SCRG1: variants seen among roughly 807,000 people sequenced by gnomAD.
SCRG1 encodes the protein stimulator of chondrogenesis 1, also known as scrapie-responsive protein 1.
In SCRG1, 3 loss-of-function variants were observed where a neutral mutation model predicts 7.7. The observed-to-expected ratio is 0.39, with a 90% CI of 0.18 to 1.01. The LOEUF (loss-of-function observed/expected upper bound fraction) is 1.01. SCRG1 is among the 50% of genes least tolerant of loss of function. The pLI is 0.36. For synonymous variants in SCRG1, 46 were observed against 41.2 expected, an observed-to-expected ratio of 1.12 and a Z score of -0.44; for missense variants, 110 against 117.2, an observed-to-expected ratio of 0.94 and a Z score of 0.28.
the SCRG1 span, among the ~76,000 whole-genome samples, chr4:173,514,662 T>C: frequency 6.6e-6 from 1 of 152,366 alleles, no homozygotes; most frequent in East Asian, 1.9e-4. Flanking sequence ...ATTAAATGGC[T>C]GCTGGATGCC....
the SCRG1 span, among the ~76,000 whole-genome samples, chr4:173,445,832 A>G: frequency 6.6e-6 from 1 of 151,440 alleles, no homozygotes; most frequent in Non-Finnish European, 1.5e-5. Flanking sequence ...TGCCTGGTTA[A>G]TTTTTGTATT....
At chr4:173,480,320 T>C in the SCRG1 span, among the ~76,000 whole-genome samples, 1 of 151,572 alleles carries the variant, frequency 6.6e-6, no homozygotes, top group Non-Finnish European at 1.5e-5. Flanking sequence ...CTTAGTACAG[T>C]ACAAAAAAGT....
chr4:173,513,900 G>A, the SCRG1 span, among the ~76,000 whole-genome samples: 2 of 152,298 alleles, frequency 1.3e-5, no homozygotes, highest in East Asian at 3.9e-4. Context: ...GAGGAAACTG[G>A]GGAGACTTTT....
the SCRG1 span, among the ~76,000 whole-genome samples, chr4:173,476,363 A>ATATATATATATATATATATATATAT: frequency 1.2e-4 from 12 of 98,476 alleles, no homozygotes; most frequent in South Asian, 6.7e-4. Context: ...GGAAAAAAAA[A>ATATATATATATATATATATATATAT]ATATATATAT....
At chr4:173,389,882 T>C (rs1014648243) in intron 2 of SCRG1, 7 of 434,624 alleles carry the variant, frequency 1.6e-5, no homozygotes, top group African/African-American at 1.2e-4. Flanking sequence ...AGGATGAAAA[T>C]ATGATGACAT....
intron 1 of SCRG1, among the ~76,000 whole-genome samples, chr4:173,393,602 A>G (rs1165149772): frequency 6.6e-6 from 1 of 152,122 alleles, no homozygotes; most frequent in East Asian, 1.9e-4. Flanking sequence ...CTGCTGTTTA[A>G]CTGAACATTC....
chr4:173,482,362 T>C, the SCRG1 span, among the ~76,000 whole-genome samples: 2 of 152,174 alleles, frequency 1.3e-5, no homozygotes. Context: ...AATTAACATA[T>C]GTCATGTGTA....
chr4:173,516,846 C>T, the SCRG1 span, among the ~76,000 whole-genome samples: 1 of 152,178 alleles, frequency 6.6e-6, no homozygotes, highest in Non-Finnish European at 1.5e-5. Context: ...AGTTCTTCCC[C>T]GCATAGTTCG....
the SCRG1 span, among the ~76,000 whole-genome samples, chr4:173,480,778 G>GC: frequency 2.0e-5 from 3 of 151,768 alleles, no homozygotes; most frequent in African/African-American, 7.3e-5. Context: ...TTTTTTAAAT[G>GC]TATGCTGAAG....
the SCRG1 span, among the ~76,000 whole-genome samples, chr4:173,432,300 C>CCCCT: frequency 7.5e-6 from 1 of 133,262 alleles, no homozygotes; most frequent in Non-Finnish European, 1.6e-5. Context: ...CCTTCCTCCC[C>CCCCT]CCCTCCCTCC....
chr4:173,504,617 A>C, the SCRG1 span, among the ~76,000 whole-genome samples: 1 of 152,246 alleles, frequency 6.6e-6, no homozygotes, highest in Non-Finnish European at 1.5e-5. The surrounding 1 kb of genome is among the most constrained non-coding windows in gnomAD (Gnocchi z 4.7). Context: ...AATTTTGTGC[A>C]CAATTATTTT....
upstream of SCRG1, among the ~76,000 whole-genome samples, chr4:173,408,562 A>G (rs1208229591): frequency 6.6e-6 from 1 of 152,176 alleles, no homozygotes; most frequent in African/African-American, 2.4e-5. Flanking sequence ...GGTTTATTTT[A>G]TGTCTTAAGT....
At chr4:173,495,155 T>G in the SCRG1 span, among the ~76,000 whole-genome samples, 2 of 152,240 alleles carry the variant, frequency 1.3e-5, no homozygotes, top group Middle Eastern at 3.2e-3. Flanking sequence ...CATTACCATT[T>G]CTACTGTATT....
chr4:173,483,986 T>C, the SCRG1 span, among the ~76,000 whole-genome samples: 1 of 52,568 alleles, frequency 1.9e-5, no homozygotes, highest in Non-Finnish European at 3.9e-5. Flanking sequence ...ATATAGTATA[T>C]TATATATGAT....
chr4:173,467,957 A>G, the SCRG1 span: 1 of 152,592 alleles, frequency 6.6e-6, no homozygotes, highest in Admixed American at 6.5e-5. Flanking sequence ...TATCAGTAAA[A>G]TAATGTCTAG....
the SCRG1 span, among the ~76,000 whole-genome samples, chr4:173,478,772 G>A: frequency 6.6e-6 from 1 of 152,162 alleles, no homozygotes; most frequent in Non-Finnish European, 1.5e-5. Flanking sequence ...CACTGTGGAA[G>A]ATGACGAAAG....
the SCRG1 span, among the ~76,000 whole-genome samples, chr4:173,502,379 A>G: frequency 2.0e-5 from 3 of 152,318 alleles, no homozygotes; most frequent in East Asian, 5.8e-4. The surrounding 1 kb of genome is among the most constrained non-coding windows in gnomAD (Gnocchi z 4.6). Flanking sequence ...AGCAGACTCC[A>G]TACCCGGTGT....
the SCRG1 span, among the ~76,000 whole-genome samples, chr4:173,482,651 C>T: frequency 6.6e-6 from 1 of 151,722 alleles, no homozygotes; most frequent in Non-Finnish European, 1.5e-5. Context: ...AACCCTGTCT[C>T]TACAAAAAAT....
chr4:173,458,789 C>G, the SCRG1 span, among the ~76,000 whole-genome samples: 1 of 151,870 alleles, frequency 6.6e-6, no homozygotes, highest in African/African-American at 2.4e-5. Context: ...GCTTAAATTC[C>G]CCACTTAAAA....
Sources: allele counts gnomAD v4.1 joint callset (sites outside exome capture counted in the v4.1 genomes callset), GRCh38; gene constraint gnomAD v4.1.1; non-coding constraint Gnocchi (gnomAD v3.1); transcripts MANE v1.5; gene names NCBI Gene and HGNC (gene_info 2026-07-23, HGNC 2026-07-21).